The following ST6GALNAC3 variants were observed in gnomAD, a reference collection of about 807,000 sequenced individuals.
ST6GALNAC3 encodes ST6 N-acetylgalactosaminide alpha-2,6-sialyltransferase 3, also known as alpha-N-acetylgalactosaminide alpha-2,6-sialyltransferase 3.
In ST6GALNAC3, 25 loss-of-function variants were observed where a neutral mutation model predicts 32.7. That is an observed-to-expected ratio of 0.76 (90% CI 0.56 to 1.07). The LOEUF (loss-of-function observed/expected upper bound fraction) is 1.07, where lower values mean the gene tolerates loss of function less well. Among genes scored for constraint, ST6GALNAC3 ranks in the 50% least tolerant of loss-of-function variants. ST6GALNAC3 has a pLI of 0.00. For missense variants in ST6GALNAC3, 355 were observed against 382.4 expected, an observed-to-expected ratio of 0.93 and a Z score of 0.60; for synonymous variants, 129 against 133.1, an observed-to-expected ratio of 0.97 and a Z score of 0.21.
intron 3 of ST6GALNAC3, among the ~76,000 whole-genome samples, chr1:76,479,660 T>C (rs1659596766): frequency 6.6e-6 from 1 of 152,146 alleles, no homozygotes; most frequent in South Asian, 2.1e-4. Flanking sequence ...GCAACGGTAT[T>C]AATCCATTCC....
intron 3 of ST6GALNAC3, among the ~76,000 whole-genome samples, chr1:76,435,419 C>A (rs1656071199): frequency 6.6e-6 from 1 of 152,062 alleles, no homozygotes; most frequent in Admixed American, 6.6e-5. Context: ...TCCAGTGTCT[C>A]CTTTTTGAGA....
intron 2 of ST6GALNAC3, among the ~76,000 whole-genome samples, chr1:76,343,584 A>AC (rs369032232): frequency 1.3e-5 from 2 of 152,306 alleles, no homozygotes; most frequent in East Asian, 3.9e-4. Context: ...ACCCTTTGGA[A>AC]CCATGGTCTG....
At chr1:76,505,145 A>G (rs1451746314) in intron 3 of ST6GALNAC3, among the ~76,000 whole-genome samples, 1 of 150,190 alleles carries the variant, frequency 6.7e-6, no homozygotes, top group Non-Finnish European at 1.5e-5. Flanking sequence ...TTTTTTTCAG[A>G]CAGAGTCTCG....
chr1:76,614,718 C>CAAAAAAAAAAAAAA (rs55744575), intron 3 of ST6GALNAC3, among the ~76,000 whole-genome samples: 7 of 67,534 alleles, frequency 1.0e-4, no homozygotes, highest in African/African-American at 4.8e-4. Context: ...GACTCCATCT[C>CAAAAAAAAAAAAAA]AAAAAAAAAA....
chr1:76,159,576 C>A (rs1295287100), intron 1 of ST6GALNAC3, among the ~76,000 whole-genome samples: 1 of 152,198 alleles, frequency 6.6e-6, no homozygotes, highest in African/African-American at 2.4e-5. Flanking sequence ...TGTTCTACTG[C>A]ATTTATTGTG....
chr1:76,623,274 A>G (rs1648757282), intron 3 of ST6GALNAC3, among the ~76,000 whole-genome samples: 2 of 151,984 alleles, frequency 1.3e-5, no homozygotes, highest in Non-Finnish European at 2.9e-5. Flanking sequence ...AGTTGTAAGT[A>G]TCTTGATTAC....
chr1:76,473,482 A>C (rs1273681087), intron 3 of ST6GALNAC3, among the ~76,000 whole-genome samples: 1 of 152,184 alleles, frequency 6.6e-6, no homozygotes, highest in Non-Finnish European at 1.5e-5. Context: ...ATGATTGATT[A>C]TATTCATACC....
intron 2 of ST6GALNAC3, among the ~76,000 whole-genome samples, chr1:76,405,981 C>T (rs139934642): frequency 4.6e-4 from 70 of 152,074 alleles, no homozygotes; most frequent in African/African-American, 1.6e-3. Context: ...GAACATAGGA[C>T]CTTCACAGGG....
At chr1:76,375,374 T>G (rs1192123312) in intron 2 of ST6GALNAC3, among the ~76,000 whole-genome samples, 1 of 152,074 alleles carries the variant, frequency 6.6e-6, no homozygotes, top group African/African-American at 2.4e-5. Flanking sequence ...GGGAAAAAAT[T>G]GAAACAGAAA....
At chr1:76,505,013 T>C (rs1252583618) in intron 3 of ST6GALNAC3, among the ~76,000 whole-genome samples, 3 of 152,166 alleles carry the variant, frequency 2.0e-5, no homozygotes, top group Non-Finnish European at 4.4e-5. Flanking sequence ...CTTTCCGTCA[T>C]AGTCCTGCTA....
At chr1:76,203,685 G>A (rs889748318) in intron 1 of ST6GALNAC3, among the ~76,000 whole-genome samples, 2 of 152,054 alleles carry the variant, frequency 1.3e-5, no homozygotes, top group African/African-American at 2.4e-5. Context: ...TTTTTAAAGT[G>A]TATAAATTTT....
intron 3 of ST6GALNAC3, among the ~76,000 whole-genome samples, chr1:76,558,565 A>C (rs1420034244): frequency 6.6e-6 from 1 of 152,100 alleles, no homozygotes; most frequent in Non-Finnish European, 1.5e-5. Flanking sequence ...TGTAGAAGAG[A>C]TCAATAGACA....
intron 1 of ST6GALNAC3, among the ~76,000 whole-genome samples, chr1:76,277,543 T>A (rs1659207967): frequency 1.4e-5 from 1 of 73,890 alleles, no homozygotes; most frequent in African/African-American, 3.5e-5. Context: ...TATATATATA[T>A]ATATATATAT....
intron 1 of ST6GALNAC3, among the ~76,000 whole-genome samples, chr1:76,138,850 A>G (rs77921740): frequency 0.013 from 1,988 of 152,190 alleles, 23 homozygotes; most frequent in Non-Finnish European, 0.017. Context: ...GTTTGTAAAG[A>G]TCTCATTTTC....
chr1:76,097,443 C>G (rs1160057880), intron 1 of ST6GALNAC3, among the ~76,000 whole-genome samples: 1 of 152,278 alleles, frequency 6.6e-6, no homozygotes, highest in East Asian at 1.9e-4. Context: ...TTGCTCTGCA[C>G]TTCTCTTCGC....
intron 1 of ST6GALNAC3, among the ~76,000 whole-genome samples, chr1:76,219,054 A>G (rs1655627563): frequency 1.3e-5 from 2 of 152,226 alleles, no homozygotes; most frequent in Non-Finnish European, 2.9e-5. Flanking sequence ...TCACATAATA[A>G]GTATGTAAAG....
chr1:76,462,012 C>G (rs1380988920), intron 3 of ST6GALNAC3, among the ~76,000 whole-genome samples: 1 of 152,082 alleles, frequency 6.6e-6, no homozygotes, highest in Non-Finnish European at 1.5e-5. Flanking sequence ...GTCTGACTTT[C>G]CTAGTCAGCC....
chr1:76,167,110 A>G (rs932788027), intron 1 of ST6GALNAC3, among the ~76,000 whole-genome samples: 4 of 152,194 alleles, frequency 2.6e-5, no homozygotes, highest in African/African-American at 7.2e-5. Flanking sequence ...GCTTTTACCC[A>G]TTCATTATGG....
chr1:76,238,737 C>T (rs1310130641), intron 1 of ST6GALNAC3, among the ~76,000 whole-genome samples: 1 of 152,070 alleles, frequency 6.6e-6, no homozygotes, highest in Non-Finnish European at 1.5e-5. Flanking sequence ...CAGGATTTTT[C>T]TCAGGTGGAA....
Sources: gnomAD v4.1 joint callset for allele counts (sites outside exome capture counted in the v4.1 genomes callset) on GRCh38, gnomAD v4.1.1 for gene constraint, MANE v1.5 for transcripts, NCBI Gene and HGNC (gene_info 2026-07-23, HGNC 2026-07-21) for gene names.